Variants in MAGI2 observed in about 807,000 individuals in gnomAD.
MAGI2 encodes the protein membrane associated guanylate kinase, WW and PDZ domain containing 2.
Under a neutral mutation model 133.3 loss-of-function variants are expected in MAGI2, and 35 were observed. The observed-to-expected ratio is 0.26, with a 90% CI of 0.20 to 0.35. MAGI2 has a LOEUF of 0.35. Among genes scored for constraint, MAGI2 ranks in the 10% least tolerant of loss-of-function variants. The pLI, the probability that MAGI2 is intolerant of heterozygous loss-of-function variation, is 1.00. For missense variants in MAGI2, 1,636 were observed against 1,863.4 expected (o/e 0.88, Z 2.25); for synonymous variants, 729 against 710.6 (o/e 1.03, Z -0.41).
chr7:78,633,725 AAGTG>A (rs1809320115), intron 2 of MAGI2, among the ~76,000 whole-genome samples: 1 of 151,718 alleles, frequency 6.6e-6, no homozygotes, highest in African/African-American at 2.4e-5. Context: ...AAAAAAAAAA[AAGTG>A]AGAGAATGCT....
In MAGI2 at chr7:78,324,839, G is replaced by C. The variant is rs990859292; in HGVS notation, c.1408+18939C>G. 3.3e-5 allele frequency among the ~76,000 whole-genome samples: 5 copies of C among 151,982 alleles called. No individual in the cohort carries two copies. The East Asian group carries it at 5.8e-4, about 18-fold the overall frequency. ...AAACTAGCTGGGCATGGTGGCGGGC[G>C]CCTGTATTCCCAGCTACTTGGGAGG... On this transcript the variant is annotated intron_variant, in intron 9 of 21. Coordinates refer to ENST00000354212, the MANE Select transcript of MAGI2 (RefSeq NM_012301.4).
chr7:78,106,009 GC>G (rs1818649905), intron 20 of MAGI2, among the ~76,000 whole-genome samples: 2 of 151,190 alleles, frequency 1.3e-5, no homozygotes, highest in African/African-American at 4.9e-5. Context: ...TCCCCCTTCT[GC>G]CTGCTTCACT....
At chr7:79,112,517 C>T (rs59162783) in intron 1 of MAGI2, among the ~76,000 whole-genome samples, 38 of 152,288 alleles carry the variant, frequency 2.5e-4, no homozygotes, top group African/African-American at 8.2e-4. Flanking sequence ...CACTATGGAA[C>T]ATTCCACTGC....
At chr7:78,208,119 C>T (rs550366624) in intron 10 of MAGI2, among the ~76,000 whole-genome samples, 2 of 139,692 alleles carry the variant, frequency 1.4e-5, no homozygotes, top group Admixed American at 1.5e-4. Flanking sequence ...CCATCCACCT[C>T]GGCCTCCCAA....
chr7:79,319,962 A>G (rs1414614895), intron 1 of MAGI2, among the ~76,000 whole-genome samples: 2 of 152,130 alleles, frequency 1.3e-5, no homozygotes, highest in Admixed American at 6.6e-5. Flanking sequence ...TGCAAAGGGC[A>G]TGACTGACTA....
chr7:79,089,429 T>C (rs1340850848), intron 1 of MAGI2, among the ~76,000 whole-genome samples: 1 of 152,128 alleles, frequency 6.6e-6, no homozygotes, highest in Non-Finnish European at 1.5e-5. Flanking sequence ...AGAAATACCA[T>C]TTGACCTAGC....
chr7:79,368,678 C>T (rs1465419181), intron 1 of MAGI2, among the ~76,000 whole-genome samples: 1 of 151,302 alleles, frequency 6.6e-6, no homozygotes, highest in African/African-American at 2.4e-5. Context: ...GAAACCCCGT[C>T]TCTACTAAAA....
chr7:78,555,234 A>T (rs529395693), intron 3 of MAGI2, among the ~76,000 whole-genome samples: 150 of 148,742 alleles, frequency 1.0e-3, no homozygotes, highest in Non-Finnish European at 2.0e-3. Context: ...AGATAGATAG[A>T]TAGATAGATA....
chr7:79,069,663 A>G (rs1335604700), intron 1 of MAGI2, among the ~76,000 whole-genome samples: 1 of 152,090 alleles, frequency 6.6e-6, no homozygotes, highest in African/African-American at 2.4e-5. Context: ...CTAGCTTGTT[A>G]TTTTGCCTGT....
intron 1 of MAGI2, among the ~76,000 whole-genome samples, chr7:79,408,516 C>T (rs1201329634): frequency 1.3e-5 from 2 of 151,736 alleles, no homozygotes; most frequent in African/African-American, 4.8e-5. Context: ...AAAACTATGG[C>T]CTATTGTTTC....
chr7:79,277,112 C>T (rs1292138349), intron 1 of MAGI2, among the ~76,000 whole-genome samples: 1 of 152,028 alleles, frequency 6.6e-6, no homozygotes, highest in Non-Finnish European at 1.5e-5. Context: ...AGAAATCTGT[C>T]AGGAAAGAAA....
intron 1 of MAGI2, among the ~76,000 whole-genome samples, chr7:79,308,900 T>C (rs1196002322): frequency 6.6e-6 from 1 of 152,168 alleles, no homozygotes; most frequent in Non-Finnish European, 1.5e-5. Flanking sequence ...TTTATGAGAA[T>C]TTCCTAGAAT....
intron 2 of MAGI2, among the ~76,000 whole-genome samples, chr7:78,707,463 A>T (rs1818770091): frequency 6.6e-6 from 1 of 152,134 alleles, no homozygotes; most frequent in Non-Finnish European, 1.5e-5. Flanking sequence ...TGTGCCAGAC[A>T]CTACTTGAAA....
At chr7:78,021,194 A>G (rs1041067589) in intron 21 of MAGI2, among the ~76,000 whole-genome samples, 3 of 152,222 alleles carry the variant, frequency 2.0e-5, no homozygotes, top group Non-Finnish European at 2.9e-5. Flanking sequence ...GGGAAATCCA[A>G]TTACTGTGAA....
chr7:78,393,041 A>C (rs999509141), intron 6 of MAGI2, among the ~76,000 whole-genome samples: 5 of 152,178 alleles, frequency 3.3e-5, no homozygotes, highest in African/African-American at 9.7e-5. Context: ...AGTAAAAAAA[A>C]CGATTAGAAC....
chr7:78,693,447 A>G (rs12530771), intron 2 of MAGI2, among the ~76,000 whole-genome samples: 7,841 of 152,236 alleles, frequency 0.052, 281 homozygotes, highest in Non-Finnish European at 0.077. Context: ...ATTACGGGTC[A>G]AGCAGAATCA....
At chr7:79,430,776 T>C (rs1007723434) in intron 1 of MAGI2, among the ~76,000 whole-genome samples, 3 of 152,198 alleles carry the variant, frequency 2.0e-5, no homozygotes, top group Non-Finnish European at 4.4e-5. Context: ...ATAGCTTCTC[T>C]AACAGATGAG....
chr7:78,512,040 G>A (rs1011527193), intron 4 of MAGI2, among the ~76,000 whole-genome samples: 3 of 151,842 alleles, frequency 2.0e-5, no homozygotes, highest in Admixed American at 6.6e-5. Context: ...GGTGAATGGC[G>A]TGAACCAGGG....
At chr7:78,286,518 G>A (rs1327663608) in intron 9 of MAGI2, among the ~76,000 whole-genome samples, 1 of 152,120 alleles carries the variant, frequency 6.6e-6, no homozygotes, top group Non-Finnish European at 1.5e-5. Context: ...TTAAAGGGGA[G>A]GGTAAGAGAT....
Sources: allele counts gnomAD v4.1 joint callset (sites outside exome capture counted in the v4.1 genomes callset), GRCh38; gene constraint gnomAD v4.1.1; transcripts MANE v1.5; gene names NCBI Gene and HGNC (gene_info 2026-07-23, HGNC 2026-07-21).